The following CTTNBP2 variants were observed in gnomAD, a reference collection of about 807,000 sequenced individuals.
The protein encoded by CTTNBP2 is cortactin-binding protein 2.
A neutral mutation model predicts 156.9 loss-of-function variants in CTTNBP2; 108 were observed. That is an observed-to-expected ratio of 0.69 (90% confidence interval 0.59 to 0.81). The LOEUF is 0.81. CTTNBP2 is among the 30% of genes least tolerant of loss of function. The probability of loss-of-function intolerance (pLI) is 0.00; values close to 1 mark genes in which losing one functional copy is unlikely to be tolerated. For synonymous variants in CTTNBP2, 767 were observed against 751.8 expected (o/e 1.02, Z -0.33); for missense variants, 1,924 against 2,035.4 (o/e 0.95, Z 1.05).
intron 22 of CTTNBP2, among the ~76,000 whole-genome samples, chr7:117,713,093 C>G (rs1276783073): frequency 2.0e-5 from 3 of 152,178 alleles, no homozygotes. Context: ...GTTGCCCAGT[C>G]CTTGCGAGAA....
intron 2 of CTTNBP2, among the ~76,000 whole-genome samples, chr7:117,837,875 G>A (rs2117115660): frequency 6.6e-6 from 1 of 152,230 alleles, no homozygotes; most frequent in Admixed American, 6.5e-5. Flanking sequence ...CCAGAAAAGT[G>A]ACATCCACCT....
At chr7:117,780,656 A>G (rs1798376603) in intron 6 of CTTNBP2, 65 bp from the exon 7 acceptor site, 2 of 967,380 alleles carry the variant, frequency 2.1e-6, no homozygotes, top group South Asian at 2.1e-5. Flanking sequence ...CCACCTAACC[A>G]AGATATTAAA....
chr7:117,802,437 C>CAA (rs759797673), intron 3 of CTTNBP2, among the ~76,000 whole-genome samples: 47 of 83,760 alleles, frequency 5.6e-4, no homozygotes, highest in East Asian at 2.6e-3. Flanking sequence ...TCAGCATTGG[C>CAA]AAAAAAAAAA....
chr7:117,745,294 C>T (rs889673877), intron 14 of CTTNBP2, among the ~76,000 whole-genome samples: 1 of 152,158 alleles, frequency 6.6e-6, no homozygotes, highest in African/African-American at 2.4e-5. Flanking sequence ...CCTACACTTG[C>T]ATAGGGCTGT....
intron 2 of CTTNBP2, among the ~76,000 whole-genome samples, chr7:117,857,997 G>A (rs529099507): frequency 3.2e-4 from 49 of 152,294 alleles, no homozygotes; most frequent in African/African-American, 2.6e-4. Flanking sequence ...ATGTGAAGAC[G>A]ACATTATTAC....
intron 2 of CTTNBP2, among the ~76,000 whole-genome samples, chr7:117,849,816 C>A (rs1802825144): frequency 6.6e-6 from 1 of 152,152 alleles, no homozygotes; most frequent in Non-Finnish European, 1.5e-5. Context: ...GCAAGCCAGC[C>A]CTGCATTCTA....
At chr7:117,787,933 T>C (rs528764027) in intron 4 of CTTNBP2, among the ~76,000 whole-genome samples, 1 of 152,292 alleles carries the variant, frequency 6.6e-6, no homozygotes, top group African/African-American at 2.4e-5. Context: ...AAATTTATCA[T>C]GCAAGTTTAA....
intron 2 of CTTNBP2, among the ~76,000 whole-genome samples, chr7:117,855,718 G>C (rs1803264168): frequency 6.6e-6 from 1 of 152,120 alleles, no homozygotes; most frequent in Non-Finnish European, 1.5e-5. Flanking sequence ...TTTTAATTTT[G>C]AACCCAATGA....
chr7:117,755,446 A>T (rs1796832506), intron 12 of CTTNBP2: 2 of 362,342 alleles, frequency 5.5e-6, no homozygotes, highest in African/African-American at 4.4e-5. Context: ...ATTATGTTTA[A>T]TGTTTTATAC....
At position 117,780,482 on chromosome 7, in the gene CTTNBP2, G is replaced by C; in HGVS notation, c.2482C>G (p.Leu828Val). The C allele has an allele frequency of 1.3e-6, 2 of 1,599,194 alleles. No individual in the cohort carries two copies. Among genetic ancestry groups the C allele is most frequent in the Non-Finnish European group, 1.7e-6 (2 of 1,174,274 alleles). ...CKNGNKECIK[L>V]LLEAGTNRSV... is the part of the protein sequence containing the mutation. ...CGATTGGTTCCAGCTTCCAACAAGA[G>C]TTTAATACATTCTTTATTTCCATTT... Residue 828 changes from leucine to valine, a missense_variant, in exon 7 of 23, where the codon CTC becomes GTC. By Grantham distance (32) the Leu-to-Val change is conservative. Transcript: ENST00000160373.
Position 117,735,362 on chromosome 7 carries a change from T to A in CTTNBP2, c.3595A>T (p.Asn1199Tyr). 1 of 1,613,408 alleles carries A rather than the reference T, an allele frequency of 6.2e-7. No individual in the cohort carries two copies. Residue 1199 changes from asparagine to tyrosine, a missense_variant, in exon 15 of 23, where the codon AAT becomes TAT. Asn to Tyr is a moderately radical substitution (Grantham distance 143, BLOSUM62 -2). Coordinates refer to ENST00000160373, the MANE Select transcript of CTTNBP2 (RefSeq NM_033427.3). ...SKKKIIIILE[N>Y]LEKSSLSELL... ...TCCGACAGTGAAGATTTTTCTAAAT[T>A]TTCTAAAATGATGATGATTTTCTTC...
Position 117,728,103 on chromosome 7 carries a change from G to A in CTTNBP2, c.4041C>T (p.Ala1347=). ...ATGGCACTTACTTCACTGTCACTTG[G>A]GCATGCCCAGGAACTACAGGACAAG... ...FLSCPVVPGH[A]QVTVKWMSKL... Residue 1347 remains alanine (A), a synonymous_variant, in exon 17 of 23, where the codon GCC becomes GCT. Transcript: ENST00000160373. The A allele has an allele frequency of 1.2e-6, 2 of 1,613,332 alleles. No homozygotes were observed. Among genetic ancestry groups the A allele is most frequent in the Non-Finnish European group, 1.7e-6 (2 of 1,179,746 alleles).
rs149472426 is a variant in CTTNBP2, at chr7:117,791,919, T to G, written c.1277A>C (p.His426Pro). The change falls in exon 4 of 23, where the codon CAC becomes CCC. Residue 426 changes from histidine to proline, a missense_variant. By Grantham distance (77) the His-to-Pro change is moderately conservative (BLOSUM62 -2). Coordinates refer to ENST00000160373, the MANE Select transcript of CTTNBP2 (RefSeq NM_033427.3). ...GTTGGCACATGGTGAATGTAAACTG[T>G]GCATAGGTGGAGCTTGCGAGTTCTG... ...APQNSQAPPM[H>P]SLHSPCANTS... is the part of the protein sequence containing the mutation. 334 of 1,614,190 alleles carry G rather than the reference T, an allele frequency of 2.1e-4. 5 individuals are homozygous for G. In the Admixed American group the frequency reaches 5.4e-3, roughly 26 times the overall value.
At chr7:117,736,440 G>GA (rs572104388) in intron 14 of CTTNBP2, among the ~76,000 whole-genome samples, 89 of 144,344 alleles carry the variant, frequency 6.2e-4, no homozygotes, top group South Asian at 5.1e-3. Context: ...ACTGTGTCTA[G>GA]AAAAAAAAAA....
chr7:117,794,127 T>C (rs747622108), intron 3 of CTTNBP2, among the ~76,000 whole-genome samples: 1 of 152,204 alleles, frequency 6.6e-6, no homozygotes, highest in Non-Finnish European at 1.5e-5. Context: ...GAAATTAACA[T>C]AGTTCCACTG....
At chr7:117,867,759 T>C (rs1024603100) in intron 1 of CTTNBP2, among the ~76,000 whole-genome samples, 2 of 152,190 alleles carry the variant, frequency 1.3e-5, no homozygotes, top group Non-Finnish European at 2.9e-5. Flanking sequence ...GATGTTCCAC[T>C]TTAAAACAAC....
At chr7:117,714,549 G>A (rs1794237546) in intron 22 of CTTNBP2, among the ~76,000 whole-genome samples, 1 of 152,168 alleles carries the variant, frequency 6.6e-6, no homozygotes, top group African/African-American at 2.4e-5. Flanking sequence ...GGAAGGAAAG[G>A]AGACATACAC....
intron 19 of CTTNBP2, among the ~76,000 whole-genome samples, chr7:117,723,056 G>A (rs545571936): frequency 6.6e-6 from 1 of 152,248 alleles, no homozygotes; most frequent in South Asian, 2.1e-4. Flanking sequence ...CTAAATTGGT[G>A]GGCTGGAGTC....
intron 22 of CTTNBP2, among the ~76,000 whole-genome samples, chr7:117,717,369 T>C (rs1009957129): frequency 6.6e-6 from 1 of 151,828 alleles, no homozygotes; most frequent in Non-Finnish European, 1.5e-5. Flanking sequence ...CACTCAGTGC[T>C]TTGTTTTGTT....
Sources: gnomAD v4.1 joint callset for allele counts (sites outside exome capture counted in the v4.1 genomes callset) on GRCh38, gnomAD v4.1.1 for gene constraint, MANE v1.5 for transcripts, NCBI Gene and HGNC (gene_info 2026-07-23, HGNC 2026-07-21) for gene names.